DIP2B: variants seen among roughly 807,000 people sequenced by gnomAD.
DIP2B encodes the protein DIP2 acetate--CoA ligase B (putative).
DIP2B carries 76 observed loss-of-function variants against 198.0 expected under a neutral mutation model. The observed-to-expected ratio is 0.38, with a 90% CI of 0.32 to 0.46. DIP2B has a LOEUF of 0.46. Among genes scored for constraint, DIP2B ranks in the 20% least tolerant of loss-of-function variants. The pLI, the probability that DIP2B is intolerant of heterozygous loss-of-function variation, is 0.99. For missense variants in DIP2B, 1,559 were observed against 1,978.4 expected (o/e 0.79, Z 4.02); for synonymous variants, 701 against 739.1 (o/e 0.95, Z 0.84).
chr12:50,727,537 G>C (rs1423127128), intron 28 of DIP2B, among the ~76,000 whole-genome samples, 166 bp from the exon 29 acceptor site: 1 of 152,172 alleles, frequency 6.6e-6, no homozygotes, highest in Non-Finnish European at 1.5e-5. Flanking sequence ...CTCAACCCCA[G>C]CCCACCTCTA....
intron 21 of DIP2B, among the ~76,000 whole-genome samples, chr12:50,707,933 G>C (rs1446506893): frequency 6.6e-6 from 1 of 152,010 alleles, no homozygotes; most frequent in Non-Finnish European, 1.5e-5. Flanking sequence ...CCTTCTTGCT[G>C]TTCCTCAAAC....
At chr12:50,584,499 C>G (rs1958752918) in intron 1 of DIP2B, among the ~76,000 whole-genome samples, 2 of 152,164 alleles carry the variant, frequency 1.3e-5, no homozygotes, top group Middle Eastern at 6.3e-3. Flanking sequence ...CCATTTTTGT[C>G]TCTTGTATGC....
intron 1 of DIP2B, among the ~76,000 whole-genome samples, chr12:50,612,844 C>T (rs905620420): frequency 6.6e-5 from 10 of 152,176 alleles, no homozygotes; most frequent in African/African-American, 2.4e-4. Flanking sequence ...TACTTGCTAG[C>T]CTGGATCATT....
At chr12:50,539,473 C>T (rs1012892417) in intron 1 of DIP2B, among the ~76,000 whole-genome samples, 8 of 151,928 alleles carry the variant, frequency 5.3e-5, no homozygotes, top group Non-Finnish European at 1.2e-4. Flanking sequence ...CAAAAATTAG[C>T]TGAGCGTAGT....
chr12:50,532,838 G>C (rs1958230504), intron 1 of DIP2B, among the ~76,000 whole-genome samples: 2 of 152,212 alleles, frequency 1.3e-5, no homozygotes, highest in Non-Finnish European at 2.9e-5. Context: ...AGAAAGGGCA[G>C]TGTATAAGTC....
intron 19 of DIP2B, 45 bp from the exon 20 acceptor site, chr12:50,704,093 TTC>T: frequency 1.0e-5 from 16 of 1,567,710 alleles, no homozygotes; most frequent in Non-Finnish European, 1.3e-5. Flanking sequence ...CACATATACT[TTC>T]TAAGAAAAAG....
intron 1 of DIP2B, among the ~76,000 whole-genome samples, chr12:50,563,307 C>G (rs1218895879): frequency 6.6e-6 from 1 of 152,148 alleles, no homozygotes; most frequent in African/African-American, 2.4e-5. Context: ...CCACCTCAGC[C>G]TCCTGAGTGG....
At chr12:50,732,975 A>G (rs1480067189) in intron 32 of DIP2B, among the ~76,000 whole-genome samples, 1 of 151,766 alleles carries the variant, frequency 6.6e-6, no homozygotes, top group African/African-American at 2.4e-5. Context: ...GTGCAGTCTC[A>G]GCTTACTGCA....
chr12:50,575,863 T>A (rs1306729667), intron 1 of DIP2B, among the ~76,000 whole-genome samples: 1 of 151,950 alleles, frequency 6.6e-6, no homozygotes, highest in African/African-American at 2.4e-5. Context: ...GTTCCAGTGA[T>A]TCTCCTGCCT....
intron 3 of DIP2B, among the ~76,000 whole-genome samples, chr12:50,651,746 T>A (rs573114291): frequency 3.2e-4 from 48 of 152,170 alleles, no homozygotes; most frequent in African/African-American, 9.9e-4. Context: ...TCATTTTTTT[T>A]AAAAATAGGG....
intron 7 of DIP2B, among the ~76,000 whole-genome samples, chr12:50,678,427 A>G (rs962081355): frequency 8.5e-5 from 13 of 152,308 alleles, no homozygotes; most frequent in African/African-American, 3.1e-4. Context: ...GTGCTATTCT[A>G]TATATGCAGT....
intron 3 of DIP2B, among the ~76,000 whole-genome samples, chr12:50,643,200 A>G (rs1171515786): frequency 6.6e-6 from 1 of 152,184 alleles, no homozygotes; most frequent in Non-Finnish European, 1.5e-5. Flanking sequence ...ATTTAGTACT[A>G]TAAAATTTTG....
intron 1 of DIP2B, among the ~76,000 whole-genome samples, chr12:50,566,410 AG>A (rs1958563401): frequency 1.3e-5 from 2 of 152,216 alleles, no homozygotes; most frequent in Admixed American, 6.5e-5. Context: ...ATTTCTGACA[AG>A]AAAGCCCATT....
chr12:50,627,774 C>G (rs1937964541), intron 2 of DIP2B, among the ~76,000 whole-genome samples: 1 of 152,242 alleles, frequency 6.6e-6, no homozygotes, highest in Admixed American at 6.5e-5. Context: ...TATCCCTCCC[C>G]CAGTAGGGAT....
At chr12:50,739,258 A>G in intron 35 of DIP2B, 151 bp from the exon 36 acceptor site, 1 of 708,008 alleles carries the variant, frequency 1.4e-6, no homozygotes, top group Non-Finnish European at 2.3e-6. Flanking sequence ...GTACATGATG[A>G]GCACGTGGTA....
At chr12:50,627,841 A>G (rs1278184737) in intron 2 of DIP2B, among the ~76,000 whole-genome samples, 3 of 152,208 alleles carry the variant, frequency 2.0e-5, no homozygotes, top group Non-Finnish European at 2.9e-5. Flanking sequence ...AACTCCTTCA[A>G]CTTCCTGATG....
Position 50,674,552 on chromosome 12 carries a change from T to A in DIP2B, c.719T>A (p.Ile240Asn). Residue 240 changes from isoleucine to asparagine, a missense_variant, in exon 6 of 38, where the codon ATT becomes AAT. Physicochemically the swap from Ile to Asn is moderately radical, Grantham distance 149 (BLOSUM62 -3). Transcript: ENST00000301180. ...SSSSSIRPAN[I>N]DLPPSGIVKG... ...TCTTCCTCAATTCGCCCAGCAAACA[T>A]TGACCTGCCCCCCTCGGGGATAGTT... 1 of 1,614,224 alleles carries A rather than the reference T, an allele frequency of 6.2e-7. No individual in the cohort carries two copies. The highest frequency in any genetic ancestry group is 8.5e-7 in the Non-Finnish European group (1 of 1,180,034).
At chr12:50,548,459 A>G (rs1958396237) in intron 1 of DIP2B, among the ~76,000 whole-genome samples, 1 of 152,200 alleles carries the variant, frequency 6.6e-6, no homozygotes, top group Non-Finnish European at 1.5e-5. Context: ...CTGCAGTCTG[A>G]CATTCAATTA....
rs71083581 is a variant in DIP2B, at chr12:50,511,291, A to ATTT, written c.100+6070_100+6072dup. 9.4e-4 allele frequency among the ~76,000 whole-genome samples: 61 copies of ATTT among 64,654 alleles called. 13 individuals carry two copies. The highest frequency in any genetic ancestry group is 1.2e-3 in the East Asian group (2 of 1,678). 42.4% of individuals were successfully genotyped at this position (64,654 alleles called of 152,430 possible). A position where few individuals can be genotyped will look rare whatever the true frequency, so the allele number is the denominator to read the frequency against. On this transcript the variant is annotated intron_variant, in intron 1 of 37. Transcript: ENST00000301180. The stretch of plus-strand genomic sequence containing the variant: ...CCTATCCCTGACCAGTGTGATTTCT[A>ATTT]TTTTTTTTTTTTTTTTTTTTTGAGA...
Sources: gnomAD v4.1 joint callset for allele counts (sites outside exome capture counted in the v4.1 genomes callset) on GRCh38, gnomAD v4.1.1 for gene constraint, MANE v1.5 for transcripts, NCBI Gene and HGNC (gene_info 2026-07-23, HGNC 2026-07-21) for gene names.